Variants in HRH1 observed in about 807,000 individuals in gnomAD.
HRH1 encodes histamine H1 receptor.
HRH1 carries 6 observed loss-of-function variants against 10.3 expected under a neutral mutation model. That is an observed-to-expected ratio of 0.58 (90% confidence interval 0.32 to 1.15). HRH1 has a LOEUF of 1.15. HRH1 is among the 50% of genes most tolerant of loss of function. HRH1 has a pLI of 0.05. For missense variants in HRH1, 514 were observed against 615.3 expected (o/e 0.84, Z 1.74); for synonymous variants, 242 against 236.7 (o/e 1.02, Z -0.21).
intron 1 of HRH1, among the ~76,000 whole-genome samples, chr3:11,180,699 C>T (rs1937334937): frequency 6.6e-6 from 1 of 152,034 alleles, no homozygotes; most frequent in African/African-American, 2.4e-5. Context: ...AAATGGAATC[C>T]TACAATATGT....
At chr3:11,140,325 A>C (rs954516233) in intron 1 of HRH1, among the ~76,000 whole-genome samples, 8 of 152,180 alleles carry the variant, frequency 5.3e-5, no homozygotes, top group Admixed American at 6.5e-5. Flanking sequence ...AAGAAGCAAA[A>C]TAAGCGCCTT....
intron 1 of HRH1, among the ~76,000 whole-genome samples, chr3:11,216,070 A>G (rs1007941302): frequency 2.6e-5 from 4 of 152,156 alleles, no homozygotes; most frequent in Admixed American, 6.5e-5. Context: ...GGACTATTAG[A>G]GGGAACATTA....
rs149507618 is a variant in HRH1, at chr3:11,213,373, G to A, written c.-35-45630G>A. ...ACCTTGGGCTCCTTAGCATCTCTGA[G>A]CCTCAATAAAATGGACATGGCTATA... On this transcript the variant is annotated intron_variant, in intron 1 of 1. Transcript: ENST00000431010. Among the ~76,000 whole-genome samples the A allele has an allele frequency of 3.8e-3, 583 of 152,276 alleles. 4 individuals carry two copies. The highest frequency in any genetic ancestry group is 6.5e-3 in the Non-Finnish European group (439 of 68,024).
intron 1 of HRH1, among the ~76,000 whole-genome samples, chr3:11,147,912 T>C (rs1574971397): frequency 6.6e-6 from 1 of 152,270 alleles, no homozygotes; most frequent in East Asian, 1.9e-4. Context: ...CTGGGTGTGG[T>C]GGCTCACGCC....
intron 1 of HRH1, among the ~76,000 whole-genome samples, chr3:11,245,597 C>T (rs922013871): frequency 1.3e-5 from 2 of 152,158 alleles, no homozygotes; most frequent in Non-Finnish European, 2.9e-5. Context: ...GCAAGGAGCG[C>T]TGACTGGGTT....
intron 1 of HRH1, among the ~76,000 whole-genome samples, chr3:11,216,567 G>A (rs150131725): frequency 2.4e-4 from 37 of 152,302 alleles, no homozygotes; most frequent in Admixed American, 9.8e-4. Flanking sequence ...GGTCCCTGGC[G>A]TACTCAAACT....
chr3:11,236,190 A>G (rs1224807357), intron 1 of HRH1, among the ~76,000 whole-genome samples: 2 of 152,358 alleles, frequency 1.3e-5, no homozygotes, highest in Non-Finnish European at 2.9e-5. Context: ...CACGCCTGTA[A>G]TCTCAGCACT....
intron 1 of HRH1, among the ~76,000 whole-genome samples, chr3:11,143,649 G>C (rs549573781): frequency 6.6e-6 from 1 of 152,296 alleles, no homozygotes; most frequent in South Asian, 2.1e-4. Context: ...CTCCCTTGTA[G>C]AGTAGTAGAT....
At chr3:11,212,919 C>T (rs1244099517) in intron 1 of HRH1, among the ~76,000 whole-genome samples, 1 of 152,170 alleles carries the variant, frequency 6.6e-6, no homozygotes, top group Non-Finnish European at 1.5e-5. Flanking sequence ...TCCAACATAC[C>T]ATAGATGTGC....
At chr3:11,151,786 C>T (rs192549791), upstream of HRH1, among the ~76,000 whole-genome samples, 26 of 152,244 alleles carry the variant, frequency 1.7e-4, no homozygotes, top group Admixed American at 3.9e-4. Context: ...ATTACAGGGG[C>T]GAGCCACCAT....
chr3:11,231,636 G>A (rs12494908), intron 1 of HRH1, among the ~76,000 whole-genome samples: 8,029 of 152,176 alleles, frequency 0.053, 280 homozygotes, highest in African/African-American at 0.094. Context: ...TGTATCATCT[G>A]TTTGATGAAA....
intron 1 of HRH1, among the ~76,000 whole-genome samples, chr3:11,170,583 G>A (rs1011902375): frequency 7.9e-5 from 12 of 152,244 alleles, no homozygotes; most frequent in Non-Finnish European, 1.8e-4. Flanking sequence ...TAAGGAGACC[G>A]AGGCACGGAG....
intron 1 of HRH1, among the ~76,000 whole-genome samples, chr3:11,145,059 A>G (rs1484513384): frequency 6.6e-6 from 1 of 151,968 alleles, no homozygotes; most frequent in African/African-American, 2.4e-5. Context: ...CCCAGCCCCA[A>G]TCCCCATGGC....
intron 1 of HRH1, among the ~76,000 whole-genome samples, chr3:11,202,434 A>T (rs35932350): frequency 0.029 from 4,265 of 148,340 alleles, 121 homozygotes; most frequent in Middle Eastern, 0.07. Flanking sequence ...AAATAAATAA[A>T]TAATTAATTA....
chr3:11,192,013 G>A (rs2125021787), intron 1 of HRH1, among the ~76,000 whole-genome samples: 1 of 152,322 alleles, frequency 6.6e-6, no homozygotes, highest in East Asian at 1.9e-4. Context: ...AGATGGACAT[G>A]GTTTGAGCCC....
At chr3:11,240,730 C>A (rs544556594) in intron 1 of HRH1, among the ~76,000 whole-genome samples, 103 of 152,334 alleles carry the variant, frequency 6.8e-4, no homozygotes, top group African/African-American at 2.4e-3. Context: ...CTGCTCTGTT[C>A]ATCACAACCA....
intron 1 of HRH1, among the ~76,000 whole-genome samples, chr3:11,224,735 C>A (rs1217425557): frequency 6.6e-6 from 1 of 151,780 alleles, no homozygotes; most frequent in Non-Finnish European, 1.5e-5. Context: ...ATGTTGGAGT[C>A]AGGCAGCCCT....
chr3:11,150,441 G>A (rs1331743201), upstream of HRH1, among the ~76,000 whole-genome samples: 2 of 152,264 alleles, frequency 1.3e-5, no homozygotes, highest in Non-Finnish European at 2.9e-5. Context: ...GTCCCCAGAG[G>A]AGACGGCTGA....
chr3:11,198,903 TACAC>T (rs59431924), intron 1 of HRH1, among the ~76,000 whole-genome samples: 18 of 103,182 alleles, frequency 1.7e-4, no homozygotes, highest in East Asian at 1.7e-3. Flanking sequence ...TCTCTCTTTA[TACAC>T]ACACACACAC....
Sources: gnomAD v4.1 joint callset for allele counts (sites outside exome capture counted in the v4.1 genomes callset) on GRCh38, gnomAD v4.1.1 for gene constraint, MANE v1.5 for transcripts, NCBI Gene and HGNC (gene_info 2026-07-23, HGNC 2026-07-21) for gene names.